The following BASP1 variants were observed in gnomAD, a reference collection of about 807,000 sequenced individuals.
BASP1 encodes brain acid soluble protein 1.
Under a neutral mutation model 2.2 loss-of-function variants are expected in BASP1, and 1 was observed. That is an observed-to-expected ratio of 0.46 (90% CI 0.16 to 2.17). BASP1 has a LOEUF of 2.17. BASP1 is among the 30% of genes most tolerant of loss of function. The pLI is 0.27. For synonymous variants in BASP1, 187 were observed against 154.2 expected (o/e 1.21, Z -1.58); for missense variants, 352 against 327.2 (o/e 1.08, Z -0.58).
chr5:17,224,087 G>A (rs1739442085), intron 1 of BASP1, among the ~76,000 whole-genome samples: 1 of 152,310 alleles, frequency 6.6e-6, no homozygotes, highest in Non-Finnish European at 1.5e-5. Flanking sequence ...TGGAATTTCA[G>A]CTATTTGGGG....
rs1740664860 is a variant in BASP1, at chr5:17,276,484, A to G, written c.*584A>G. On this transcript the variant is annotated 3_prime_UTR_variant, in exon 2 of 2. Coordinates refer to ENST00000322611, the MANE Select transcript of BASP1 (RefSeq NM_006317.5). Reference sequence around the variant, plus strand: ...ACTTAGCTTGTCCACATGGATCTCAATGCCAATCCTCCATTCTTCCTCTCC... The same window carrying G: ...ACTTAGCTTGTCCACATGGATCTCAGTGCCAATCCTCCATTCTTCCTCTCC... 1.2e-5 allele frequency: 2 copies of G among 167,046 alleles called. No individual in the cohort carries two copies. Among genetic ancestry groups the G allele is most frequent in the Admixed American group, 1.3e-4 (2 of 15,280 alleles). 10.3% of individuals were successfully genotyped at this position (167,046 alleles called of 1,614,324 possible). A position where few individuals can be genotyped will look rare whatever the true frequency, so the allele number is the denominator to read the frequency against.
intron 1 of BASP1, among the ~76,000 whole-genome samples, chr5:17,261,287 C>A (rs541334800): frequency 2.0e-5 from 3 of 152,146 alleles, no homozygotes; most frequent in Non-Finnish European, 2.9e-5. Context: ...TTTTGCATAC[C>A]GGTTGTTTCA....
chr5:17,240,558 A>T (rs906859752), intron 1 of BASP1: 8 of 152,120 alleles, frequency 5.3e-5, no homozygotes, highest in Non-Finnish European at 1.2e-4. Context: ...AAAATAAAAT[A>T]ATAAAATAAA....
At chr5:17,238,303 T>G (rs937456227) in intron 1 of BASP1, among the ~76,000 whole-genome samples, 4 of 148,676 alleles carry the variant, frequency 2.7e-5, no homozygotes, top group Non-Finnish European at 4.5e-5. Flanking sequence ...GCTATCTGAG[T>G]TTTTTTTTTA....
intron 1 of BASP1, among the ~76,000 whole-genome samples, chr5:17,230,166 C>T (rs1324992751): frequency 2.0e-5 from 3 of 152,114 alleles, no homozygotes; most frequent in Non-Finnish European, 2.9e-5. Context: ...GAAGAGTTGA[C>T]CAGATGCCTA....
chr5:17,221,511 T>C (rs181832448), intron 1 of BASP1, among the ~76,000 whole-genome samples: 45 of 152,140 alleles, frequency 3.0e-4, no homozygotes, highest in Non-Finnish European at 1.0e-4. Context: ...TACCTACTTA[T>C]TTCACATCTT....
At chr5:17,226,488 G>A (rs1399086569) in intron 1 of BASP1, among the ~76,000 whole-genome samples, 1 of 152,200 alleles carries the variant, frequency 6.6e-6, no homozygotes, top group African/African-American at 2.4e-5. Context: ...GGGAAATAGT[G>A]TATCAAAAGG....
chr5:17,229,150 C>A (rs975871079), intron 1 of BASP1, among the ~76,000 whole-genome samples: 2 of 152,308 alleles, frequency 1.3e-5, no homozygotes, highest in South Asian at 4.2e-4. Context: ...AGGACACTAA[C>A]GTGCACTGTG....
intron 1 of BASP1, among the ~76,000 whole-genome samples, chr5:17,222,550 A>G (rs1046263668): frequency 2.0e-5 from 3 of 152,194 alleles, no homozygotes; most frequent in Non-Finnish European, 2.9e-5. Flanking sequence ...TCACCAGAAT[A>G]TAGTTCAATT....
chr5:17,242,070 T>C (rs1739874221), intron 1 of BASP1, among the ~76,000 whole-genome samples: 1 of 152,204 alleles, frequency 6.6e-6, no homozygotes, highest in South Asian at 2.1e-4. Context: ...CTTTCTTGAT[T>C]GGCTGAGGAA....
intron 1 of BASP1, among the ~76,000 whole-genome samples, chr5:17,238,383 C>T (rs918511539): frequency 6.6e-6 from 1 of 152,012 alleles, no homozygotes; most frequent in Non-Finnish European, 1.5e-5. Flanking sequence ...TCAACTAACA[C>T]CTACTGATGT....
Position 17,260,381 on chromosome 5 carries a change from G to A in BASP1, c.-9-14827G>A, listed in dbSNP as rs897304563. 6.6e-6 allele frequency among the ~76,000 whole-genome samples: 1 copy of A among 152,096 alleles called. No individual in the cohort carries two copies. Among genetic ancestry groups the A allele is most frequent in the South Asian group, 2.1e-4 (1 of 4,830 alleles). On this transcript the variant is annotated intron_variant, in intron 1 of 1. Coordinates refer to ENST00000322611, the MANE Select transcript of BASP1 (RefSeq NM_006317.5). This position sits in a 1 kb window ranked among gnomAD's most constrained non-coding sequence, Gnocchi z 4.2. ...TTAAATCTTGTAGAATCAATTGGGA[G>A]ATTCACCTTTAAAAATTGGTCTCTA...
At chr5:17,261,915 G>C (rs571548839) in intron 1 of BASP1, among the ~76,000 whole-genome samples, 1 of 152,306 alleles carries the variant, frequency 6.6e-6, no homozygotes, top group Admixed American at 6.5e-5. Context: ...CTTTCAAAGA[G>C]GCAGGTGTCT....
At chr5:17,266,537 TG>T (rs1232710425) in intron 1 of BASP1, among the ~76,000 whole-genome samples, 6 of 152,200 alleles carry the variant, frequency 3.9e-5, no homozygotes, top group Admixed American at 3.3e-4. Flanking sequence ...TGGGGCATGG[TG>T]GCTCACGCCT....
chr5:17,261,673 T>A (rs1740318157), intron 1 of BASP1, among the ~76,000 whole-genome samples: 1 of 152,204 alleles, frequency 6.6e-6, no homozygotes, highest in South Asian at 2.1e-4. Flanking sequence ...GGACTTAACT[T>A]TCTGAATCTC....
Position 17,249,297 on chromosome 5 carries a change from CAA to C in BASP1, c.-9-25908_-9-25907del, listed in dbSNP as rs1740054421. 2.6e-5 allele frequency among the ~76,000 whole-genome samples: 4 copies of C among 152,100 alleles called. No homozygotes were observed. In the South Asian group the frequency reaches 8.3e-4, roughly 32 times the overall value. ...GCTTTCATCCAGAAGCAAATTTGGTCAAAACAAGAAGCCATCTGCTCCTCTCT... is the reference window on the plus strand; with the variant it reads ...GCTTTCATCCAGAAGCAAATTTGGTCAACAAGAAGCCATCTGCTCCTCTCT... On this transcript the variant is annotated intron_variant, in intron 1 of 1. Coordinates refer to ENST00000322611, the MANE Select transcript of BASP1 (RefSeq NM_006317.5).
intron 1 of BASP1, among the ~76,000 whole-genome samples, chr5:17,259,183 G>A (rs1477369677): frequency 6.6e-6 from 1 of 152,158 alleles, no homozygotes; most frequent in African/African-American, 2.4e-5. Flanking sequence ...TGTCTTACAT[G>A]GATGGTGGCA....
chr5:17,233,636 G>A (rs1034009333), intron 1 of BASP1, among the ~76,000 whole-genome samples: 2 of 152,166 alleles, frequency 1.3e-5, no homozygotes, highest in Non-Finnish European at 2.9e-5. Flanking sequence ...GGCTCATCTT[G>A]TGGGTTGTGT....
In BASP1 at chr5:17,275,369, C is replaced by T; in HGVS notation, c.153C>T (p.Ala51=). The part of the protein sequence containing the change: ...EPQAAAEPAE[A]KEGKEKPDQD... ...AGGCGGCCGCAGAGCCCGCCGAGGC[C>T]AAGGAGGGCAAGGAGAAGCCCGACC... The change falls in exon 2 of 2, where the codon GCC becomes GCT. Residue 51 remains alanine, a synonymous_variant. Coordinates refer to ENST00000322611, the MANE Select transcript of BASP1 (RefSeq NM_006317.5). The surrounding 1 kb of genome is among the most constrained non-coding windows in gnomAD (Gnocchi z 5.3). 1 of 1,597,460 alleles carries T rather than the reference C, an allele frequency of 6.3e-7. No individual in the cohort carries two copies. The highest frequency in any genetic ancestry group is 2.3e-5 in the East Asian group (1 of 44,188).
Sources: allele counts gnomAD v4.1 joint callset (sites outside exome capture counted in the v4.1 genomes callset), GRCh38; gene constraint gnomAD v4.1.1; non-coding constraint Gnocchi (gnomAD v3.1); transcripts MANE v1.5; gene names NCBI Gene and HGNC (gene_info 2026-07-23, HGNC 2026-07-21).